The following CA10 variants were observed in gnomAD, a reference collection of about 807,000 sequenced individuals.
CA10 encodes the protein carbonic anhydrase-related protein 10.
Under a neutral mutation model 44.2 loss-of-function variants are expected in CA10, and 14 were observed. The observed-to-expected ratio is 0.32, with a 90% CI of 0.21 to 0.50. The LOEUF (loss-of-function observed/expected upper bound fraction) is 0.50, where lower values mean the gene tolerates loss of function less well. Among genes scored for constraint, CA10 ranks in the 20% least tolerant of loss-of-function variants. The pLI is 0.99. For synonymous variants in CA10, 159 were observed against 141.6 expected (o/e 1.12, Z -0.87); for missense variants, 350 against 409.7 (o/e 0.85, Z 1.26).
At chr17:52,103,941 C>G (rs1196685427) in intron 1 of CA10, among the ~76,000 whole-genome samples, 2 of 152,240 alleles carry the variant, frequency 1.3e-5, no homozygotes, top group East Asian at 3.8e-4. Context: ...TGGAGCCAGA[C>G]TGATCTAGGT....
At chr17:52,136,584 T>C (rs1989363769) in intron 1 of CA10, among the ~76,000 whole-genome samples, 1 of 152,210 alleles carries the variant, frequency 6.6e-6, no homozygotes, top group African/African-American at 2.4e-5. Context: ...TGTGTCTTGC[T>C]CACAGTCCAG....
intron 1 of CA10, among the ~76,000 whole-genome samples, chr17:52,137,368 A>G (rs1363199364): frequency 6.6e-6 from 1 of 152,232 alleles, no homozygotes; most frequent in African/African-American, 2.4e-5. Flanking sequence ...CACAGGAATC[A>G]CTCAATAAAT....
intron 4 of CA10, among the ~76,000 whole-genome samples, 172 bp from the exon 5 acceptor site, chr17:51,653,908 G>T (rs1463848364): frequency 6.6e-6 from 1 of 152,182 alleles, no homozygotes; most frequent in Non-Finnish European, 1.5e-5. Flanking sequence ...TGTGTAAAAT[G>T]CATGTACACG....
At chr17:51,863,437 A>G (rs80125820) in intron 3 of CA10, among the ~76,000 whole-genome samples, 5,095 of 152,328 alleles carry the variant, frequency 0.033, 272 homozygotes, top group African/African-American at 0.12. Context: ...ATGCATTTGC[A>G]TGCAAATAGC....
chr17:51,966,237 T>C (rs1984076778), intron 2 of CA10, among the ~76,000 whole-genome samples: 1 of 151,920 alleles, frequency 6.6e-6, no homozygotes, highest in African/African-American at 2.4e-5. Context: ...GAACATTCCA[T>C]ACTCACAAAT....
At chr17:51,760,007 T>C (rs1905176140) in intron 3 of CA10, among the ~76,000 whole-genome samples, 1 of 152,200 alleles carries the variant, frequency 6.6e-6, no homozygotes, top group African/African-American at 2.4e-5. Context: ...GAAAGCTTAT[T>C]TCTAGTTTAA....
intron 3 of CA10, among the ~76,000 whole-genome samples, chr17:51,923,868 C>G (rs1419013412): frequency 6.6e-6 from 1 of 152,142 alleles, no homozygotes; most frequent in Non-Finnish European, 1.5e-5. Context: ...CACCTAAACG[C>G]ATTTCTTGGT....
intron 3 of CA10, among the ~76,000 whole-genome samples, chr17:51,825,451 G>A (rs1393731950): frequency 6.6e-6 from 1 of 152,122 alleles, no homozygotes; most frequent in Non-Finnish European, 1.5e-5. Flanking sequence ...TGTGAACCTT[G>A]TCTGTTTTAT....
At chr17:51,814,052 G>A (rs192937058) in intron 3 of CA10, among the ~76,000 whole-genome samples, 1 of 152,136 alleles carries the variant, frequency 6.6e-6, no homozygotes, top group African/African-American at 2.4e-5. Context: ...GAGTGCTTTG[G>A]TATTTGTCAT....
intron 3 of CA10, among the ~76,000 whole-genome samples, chr17:51,916,770 C>A (rs769805044): frequency 2.0e-5 from 3 of 152,184 alleles, no homozygotes; most frequent in Non-Finnish European, 4.4e-5. Context: ...TCCATATAAT[C>A]AAGCCTATGC....
chr17:52,086,219 G>A (rs931798645), intron 1 of CA10, among the ~76,000 whole-genome samples: 19 of 152,200 alleles, frequency 1.2e-4, no homozygotes, highest in African/African-American at 4.6e-4. Context: ...TGTTGACAAT[G>A]CTAGTTTACC....
At chr17:51,764,668 T>C (rs1905305267) in intron 3 of CA10, among the ~76,000 whole-genome samples, 1 of 152,166 alleles carries the variant, frequency 6.6e-6, no homozygotes, top group Admixed American at 6.5e-5. Context: ...GGAGGCTACA[T>C]GACTCCAAGG....
rs567174604 is a variant in CA10, at chr17:51,705,110, C to T, written c.465+42523G>A. 2.0e-5 allele frequency among the ~76,000 whole-genome samples: 3 copies of T among 152,206 alleles called. No individual in the cohort carries two copies. In the East Asian group the frequency reaches 5.8e-4, roughly 29 times the overall value. ...GTCTTCGCAGCTCTTCCCAGTTCTCCAGCTCATTTTGTATTAAGCCTTGAC... is the reference window on the plus strand; with the variant it reads ...GTCTTCGCAGCTCTTCCCAGTTCTCTAGCTCATTTTGTATTAAGCCTTGAC... On this transcript the variant is annotated intron_variant, in intron 4 of 8. Coordinates refer to ENST00000451037, the MANE Select transcript of CA10 (RefSeq NM_020178.5).
At chr17:51,827,864 G>T (rs1426477577) in intron 3 of CA10, among the ~76,000 whole-genome samples, 2 of 152,170 alleles carry the variant, frequency 1.3e-5, no homozygotes, top group Non-Finnish European at 2.9e-5. Context: ...CTGGCTAACA[G>T]AATGTAGTCA....
intron 2 of CA10, among the ~76,000 whole-genome samples, chr17:52,009,138 A>G (rs1416211813): frequency 6.6e-6 from 1 of 151,866 alleles, no homozygotes. Context: ...GCCTCCCTCT[A>G]TTGTAAAGCT....
chr17:52,009,263 T>C (rs754387898), intron 2 of CA10, among the ~76,000 whole-genome samples: 58 of 152,092 alleles, frequency 3.8e-4, no homozygotes, highest in Admixed American at 1.2e-3. Context: ...TGGACATAGA[T>C]TTTCTTTTTT....
intron 3 of CA10, among the ~76,000 whole-genome samples, chr17:51,861,965 G>A (rs1979330927): frequency 6.6e-6 from 1 of 152,168 alleles, no homozygotes; most frequent in Non-Finnish European, 1.5e-5. Context: ...AGACAGAACT[G>A]TAAGACTTCT....
intron 4 of CA10, among the ~76,000 whole-genome samples, chr17:51,722,514 T>A (rs1916379158): frequency 6.6e-6 from 1 of 152,306 alleles, no homozygotes; most frequent in African/African-American, 2.4e-5. Flanking sequence ...GAGGGATATA[T>A]TTTTGCAGTC....
intron 4 of CA10, among the ~76,000 whole-genome samples, chr17:51,730,474 A>G (rs1439019511): frequency 6.6e-6 from 1 of 152,214 alleles, no homozygotes; most frequent in African/African-American, 2.4e-5. Flanking sequence ...GAAAATCAAC[A>G]GGGACTTAAG....
Sources: allele counts gnomAD v4.1 joint callset (sites outside exome capture counted in the v4.1 genomes callset), GRCh38; gene constraint gnomAD v4.1.1; transcripts MANE v1.5; gene names NCBI Gene and HGNC (gene_info 2026-07-23, HGNC 2026-07-21).